The following AGBL1 variants were observed in gnomAD, a reference collection of about 807,000 sequenced individuals.
AGBL1 encodes the protein AGBL carboxypeptidase 1, also known as cytosolic carboxypeptidase 4.
In AGBL1, 130 loss-of-function variants were observed where a neutral mutation model predicts 118.9. That is an observed-to-expected ratio of 1.09 (90% CI 0.95 to 1.26). The LOEUF (loss-of-function observed/expected upper bound fraction) is 1.26, where lower values mean the gene tolerates loss of function less well. Ranked by LOEUF, AGBL1 falls within the 50% of genes most tolerant of loss-of-function variation. The pLI is 0.00. For synonymous variants in AGBL1, 555 were observed against 478.9 expected, an observed-to-expected ratio of 1.16 and a Z score of -2.08; for missense variants, 1,584 against 1,298.1, an observed-to-expected ratio of 1.22 and a Z score of -3.38.
intron 17 of AGBL1, among the ~76,000 whole-genome samples, chr15:86,352,017 A>G (rs920271268): frequency 6.6e-6 from 1 of 152,154 alleles, no homozygotes; most frequent in African/African-American, 2.4e-5. Context: ...GTGCTGCCCA[A>G]TGCCTGAACA....
At chr15:86,544,661 G>A (rs1231896838) in intron 19 of AGBL1, among the ~76,000 whole-genome samples, 1 of 152,070 alleles carries the variant, frequency 6.6e-6, no homozygotes, top group Non-Finnish European at 1.5e-5. Context: ...GCTATCAGGA[G>A]AACAGCATGG....
intron 23 of AGBL1, among the ~76,000 whole-genome samples, chr15:86,963,331 A>G (rs968230981): frequency 6.6e-6 from 1 of 152,098 alleles, no homozygotes; most frequent in African/African-American, 2.4e-5. Context: ...ATAGTGCCAA[A>G]TGTCAAGTTT....
intron 21 of AGBL1, among the ~76,000 whole-genome samples, chr15:86,559,574 T>C (rs555055874): frequency 6.4e-4 from 97 of 152,348 alleles, no homozygotes; most frequent in African/African-American, 2.2e-3. Flanking sequence ...GTAGCAATAA[T>C]GATAACAAAC....
chr15:86,209,747 A>G (rs1257439087), intron 5 of AGBL1, among the ~76,000 whole-genome samples: 1 of 152,070 alleles, frequency 6.6e-6, no homozygotes, highest in Non-Finnish European at 1.5e-5. Context: ...CAGCACATTG[A>G]TAGGTCTTGA....
rs1596007284 is a variant in AGBL1 at position 86,355,299 on chromosome 15, A to C, written c.2375-42067A>C. Reference sequence around the variant, plus strand: ...GAACATACGCAGATATTTCAGGAAAAGTATCATACACCATATAACATATTA... The same window carrying C: ...GAACATACGCAGATATTTCAGGAAACGTATCATACACCATATAACATATTA... On this transcript the variant is annotated intron_variant, in intron 17 of 22. Transcript: ENST00000614907. 2.6e-5 allele frequency among the ~76,000 whole-genome samples: 4 copies of C among 152,344 alleles called. No homozygotes were observed. In the East Asian group the frequency reaches 7.7e-4, roughly 29 times the overall value.
intron 6 of AGBL1, among the ~76,000 whole-genome samples, chr15:86,232,007 T>A (rs2078463743): frequency 6.6e-6 from 1 of 152,026 alleles, no homozygotes; most frequent in Non-Finnish European, 1.5e-5. Context: ...AGGGCCAGGG[T>A]CTCTGCTGCC....
chr15:86,209,942 G>C (rs751800874), intron 5 of AGBL1, among the ~76,000 whole-genome samples: 2 of 152,170 alleles, frequency 1.3e-5, no homozygotes, highest in Admixed American at 6.5e-5. Flanking sequence ...TGTTTTTGCA[G>C]TGGCTGGAAC....
intron 5 of AGBL1, among the ~76,000 whole-genome samples, chr15:86,195,318 A>C (rs1448098626): frequency 1.3e-5 from 2 of 152,148 alleles, no homozygotes; most frequent in Non-Finnish European, 2.9e-5. Context: ...CTGAATTTGC[A>C]TATAGTCATC....
At chr15:86,111,552 C>T (rs1408552665) in intron 1 of AGBL1, among the ~76,000 whole-genome samples, 1 of 152,136 alleles carries the variant, frequency 6.6e-6, no homozygotes, top group East Asian at 1.9e-4. Context: ...TGGCTGTTTC[C>T]CTTGGCCTGC....
chr15:86,823,947 CA>C (rs1385938345), intron 22 of AGBL1, among the ~76,000 whole-genome samples: 3 of 151,794 alleles, frequency 2.0e-5, no homozygotes, highest in Non-Finnish European at 2.9e-5. Flanking sequence ...AAGGCATCTA[CA>C]AAAAAAGCAT....
intron 18 of AGBL1, among the ~76,000 whole-genome samples, chr15:86,403,588 A>T (rs772764161): frequency 1.3e-5 from 2 of 152,212 alleles, no homozygotes; most frequent in Non-Finnish European, 2.9e-5. Context: ...CTAAAAAATT[A>T]TTCAGCACCT....
At chr15:87,007,793 G>A (rs1326499828) in intron 24 of AGBL1, among the ~76,000 whole-genome samples, 1 of 152,144 alleles carries the variant, frequency 6.6e-6, no homozygotes, top group Non-Finnish European at 1.5e-5. Context: ...GTCAATTCCT[G>A]GGCCTCAGAT....
chr15:87,016,414 G>C (rs1387485848), intron 24 of AGBL1, among the ~76,000 whole-genome samples: 1 of 152,098 alleles, frequency 6.6e-6, no homozygotes, highest in African/African-American at 2.4e-5. Context: ...AGAATGAGTG[G>C]GTGCTTGCTA....
At chr15:86,635,430 T>C (rs1023337857) in intron 21 of AGBL1, among the ~76,000 whole-genome samples, 1 of 151,210 alleles carries the variant, frequency 6.6e-6, no homozygotes, top group Non-Finnish European at 1.5e-5. Flanking sequence ...CAAAGTACTG[T>C]TGCCCTGAAC....
chr15:86,228,220 C>A (rs940599167), intron 6 of AGBL1, among the ~76,000 whole-genome samples: 1 of 152,160 alleles, frequency 6.6e-6, no homozygotes, highest in Non-Finnish European at 1.5e-5. Context: ...ACTTGGACCC[C>A]AGAGTGAGTT....
chr15:86,862,490 C>A (rs372153629), intron 22 of AGBL1, among the ~76,000 whole-genome samples: 4 of 152,134 alleles, frequency 2.6e-5, no homozygotes, highest in Non-Finnish European at 5.9e-5. Flanking sequence ...GAGGCCGAGG[C>A]GGGCGGATCG....
At chr15:86,414,497 T>A (rs2081663363) in intron 18 of AGBL1, among the ~76,000 whole-genome samples, 2 of 152,184 alleles carry the variant, frequency 1.3e-5, no homozygotes, top group South Asian at 4.1e-4. Flanking sequence ...CAGCATTTTC[T>A]TAATGGCTTC....
intron 22 of AGBL1, among the ~76,000 whole-genome samples, chr15:86,740,724 G>T (rs915062045): frequency 1.3e-5 from 2 of 152,118 alleles, no homozygotes; most frequent in Non-Finnish European, 1.5e-5. Flanking sequence ...TCAAGAAAAA[G>T]AAGGTGTTCT....
chr15:86,566,325 G>T (rs1015931677), intron 21 of AGBL1, among the ~76,000 whole-genome samples: 1 of 152,170 alleles, frequency 6.6e-6, no homozygotes, highest in African/African-American at 2.4e-5. Context: ...TCTGCTTTTA[G>T]AACCAATTAG....
Sources: allele counts gnomAD v4.1 joint callset (sites outside exome capture counted in the v4.1 genomes callset), GRCh38; gene constraint gnomAD v4.1.1; transcripts MANE v1.5; gene names NCBI Gene and HGNC (gene_info 2026-07-23, HGNC 2026-07-21).